Variants in ZMYND8 observed in about 807,000 individuals in gnomAD.
ZMYND8 encodes the protein MYND-type zinc finger-containing chromatin reader ZMYND8.
ZMYND8 carries 37 observed loss-of-function variants against 140.8 expected under a neutral mutation model. The ratio of observed to expected loss-of-function variants is 0.26; its 90% CI spans 0.20 to 0.35. The LOEUF (loss-of-function observed/expected upper bound fraction) is 0.35, where lower values mean the gene tolerates loss of function less well. ZMYND8 is among the 10% of genes least tolerant of loss of function. The probability of loss-of-function intolerance (pLI) is 1.00; values close to 1 mark genes in which losing one functional copy is unlikely to be tolerated. For synonymous variants in ZMYND8, 592 were observed against 597.1 expected (o/e 0.99, Z 0.12); for missense variants, 1,068 against 1,570.0 (o/e 0.68, Z 5.40).
rs2040535472 is a variant in ZMYND8, at chr20:47,246,120, G to A, written c.2172C>T (p.Gly724=). Residue 724 remains glycine, a synonymous_variant, in exon 14 of 23, where the codon GGC becomes GGT. Coordinates refer to ENST00000471951, the MANE Select transcript of ZMYND8 (RefSeq NM_001281775.3). ...GTTCGCTCTCTGAATCAGAGTCCAG[G>A]CCCAAATGGACTGTTGGGGAATCCG... ...DETDSPTVHL[G]LDSDSESELV... 6.2e-7 allele frequency: 1 copy of A among 1,614,140 alleles called. No homozygotes were observed. Among genetic ancestry groups the A allele is most frequent in the Non-Finnish European group, 8.5e-7 (1 of 1,180,040 alleles).
At chr20:47,294,627 G>T in intron 5 of ZMYND8, 39 bp downstream of exon 5, 1 of 1,573,832 alleles carries the variant, frequency 6.4e-7, no homozygotes, top group Non-Finnish European at 8.7e-7. Flanking sequence ...ATGTCATTAC[G>T]TTCATTTACG....
At chr20:47,239,900 G>T (rs954356134) in intron 14 of ZMYND8, among the ~76,000 whole-genome samples, 2 of 152,200 alleles carry the variant, frequency 1.3e-5, no homozygotes, top group Non-Finnish European at 2.9e-5. Flanking sequence ...AGTCTAAAAT[G>T]AGTTTATACT....
intron 1 of ZMYND8, among the ~76,000 whole-genome samples, chr20:47,351,268 T>C (rs551395342): frequency 6.6e-6 from 1 of 152,182 alleles, no homozygotes; most frequent in African/African-American, 2.4e-5. Flanking sequence ...AGGAATCTCA[T>C]CTCCTCAACA....
At chr20:47,335,271 A>G (rs764074779) in intron 2 of ZMYND8, among the ~76,000 whole-genome samples, 1 of 151,822 alleles carries the variant, frequency 6.6e-6, no homozygotes, top group African/African-American at 2.4e-5. Context: ...AAAAAAGGAG[A>G]ATTGTATGGT....
At chr20:47,309,907 C>G in intron 3 of ZMYND8, 149 bp downstream of exon 3, 1 of 1,103,774 alleles carries the variant, frequency 9.1e-7, no homozygotes, top group Middle Eastern at 3.1e-4. Context: ...CATTTTTAGC[C>G]ATCTTTTTTT....
At chr20:47,226,577 C>T (rs1250011061) in intron 18 of ZMYND8, among the ~76,000 whole-genome samples, 6 of 152,086 alleles carry the variant, frequency 3.9e-5, no homozygotes, top group African/African-American at 9.7e-5. Flanking sequence ...GAACTGTGGC[C>T]GTGTGACTTT....
intron 3 of ZMYND8, among the ~76,000 whole-genome samples, chr20:47,306,005 G>A (rs766370829): frequency 1.3e-5 from 2 of 152,126 alleles, no homozygotes; most frequent in South Asian, 2.1e-4. Flanking sequence ...TTCCTAAGGG[G>A]TGAAAACACT....
intron 2 of ZMYND8, among the ~76,000 whole-genome samples, chr20:47,339,367 G>A (rs968380046): frequency 2.0e-5 from 3 of 152,092 alleles, no homozygotes; most frequent in Non-Finnish European, 2.9e-5. Flanking sequence ...TGCAAGTGGG[G>A]GAAATGGCAG....
At chr20:47,261,183 T>C (rs2075124185) in intron 12 of ZMYND8, among the ~76,000 whole-genome samples, 1 of 152,126 alleles carries the variant, frequency 6.6e-6, no homozygotes, top group Admixed American at 6.6e-5. Context: ...ATCACGCCAT[T>C]GCATTGCAGC....
rs760169371 is a variant in ZMYND8 at position 47,210,882 on chromosome 20, T to G, written c.3584A>C (p.Asn1195Thr). ...YPAQKYHSRS[N>T]KSSWSSSDEK... ...ATCACTGCTGCTCCAACTGGATTTA[T>G]TACTCCGGGAATGGTCTGAGGGGGA... The change falls in exon 23 of 23, where the codon AAT (asparagine) becomes ACT (threonine). Residue 1195 changes from asparagine (N) to threonine (T), a missense_variant. Transcript: ENST00000471951. The G allele has an allele frequency of 1.2e-6, 2 of 1,614,060 alleles. No individual in the cohort carries two copies. Among genetic ancestry groups the G allele is most frequent in the Admixed American group, 3.3e-5 (2 of 60,016 alleles).
At chr20:47,324,506 G>A (rs932580439) in intron 2 of ZMYND8, among the ~76,000 whole-genome samples, 2 of 152,058 alleles carry the variant, frequency 1.3e-5, no homozygotes, top group African/African-American at 4.8e-5. Context: ...GCAACAAGAA[G>A]CTCTGTCTCA....
chr20:47,279,838 C>G (rs946043700), intron 10 of ZMYND8, among the ~76,000 whole-genome samples: 30 of 151,258 alleles, frequency 2.0e-4, no homozygotes, highest in African/African-American at 7.0e-4. Flanking sequence ...TAAAACAAAA[C>G]CAGGCCAGGC....
At chr20:47,348,004 G>T in intron 1 of ZMYND8, 78 bp from the exon 2 acceptor site, 1 of 1,374,310 alleles carries the variant, frequency 7.3e-7, no homozygotes, top group Non-Finnish European at 1.0e-6. Context: ...GGAAGTTCTA[G>T]CAACAAACAC....
At position 47,209,601 on chromosome 20, in the gene ZMYND8, A is replaced by G. The variant is rs951002500; in HGVS notation, c.*1160T>C. 2 of 152,520 alleles carry G rather than the reference A, an allele frequency of 1.3e-5. No homozygotes were observed. The highest frequency in any genetic ancestry group is 3.8e-4 in the East Asian group (2 of 5,198). The allele number at this position is 152,520 out of a possible 1,614,324, so 9.4% of individuals were successfully genotyped here. ...TAACAATGAAGAGAAAGTAAACAAG[A>G]CTAAAATGTACAACAAAACGTACTG... On this transcript the variant is annotated 3_prime_UTR_variant, in exon 23 of 23. Coordinates refer to ENST00000471951, the MANE Select transcript of ZMYND8 (RefSeq NM_001281775.3).
At chr20:47,215,710 G>C (rs1287847236) in intron 21 of ZMYND8, among the ~76,000 whole-genome samples, 3 of 152,092 alleles carry the variant, frequency 2.0e-5, no homozygotes, top group Non-Finnish European at 4.4e-5. Flanking sequence ...ACTGGGTTGA[G>C]GAAGGAGACA....
chr20:47,336,008 A>G (rs2081361328), intron 2 of ZMYND8, among the ~76,000 whole-genome samples: 3 of 152,188 alleles, frequency 2.0e-5, no homozygotes, highest in Admixed American at 1.3e-4. Flanking sequence ...AATACGGTTA[A>G]AAATACTGAT....
At chr20:47,301,738 A>G (rs1231746402) in intron 3 of ZMYND8, among the ~76,000 whole-genome samples, 2 of 152,150 alleles carry the variant, frequency 1.3e-5, no homozygotes, top group African/African-American at 4.8e-5. Context: ...CACATATATT[A>G]TTTAAAATAT....
chr20:47,355,662 C>T (rs985991989), intron 1 of ZMYND8: 1 of 202,016 alleles, frequency 5.0e-6, no homozygotes, highest in Admixed American at 6.5e-5. Context: ...CACTCCATGA[C>T]ACAGGAGAAG....
chr20:47,265,832 TAATA>T (rs1482134442), intron 11 of ZMYND8, among the ~76,000 whole-genome samples: 4 of 152,216 alleles, frequency 2.6e-5, no homozygotes, highest in Non-Finnish European at 5.9e-5. Context: ...TTTCCTTTGT[TAATA>T]AATAAACAAG....
Sources: allele counts gnomAD v4.1 joint callset (sites outside exome capture counted in the v4.1 genomes callset), GRCh38; gene constraint gnomAD v4.1.1; transcripts MANE v1.5; gene names NCBI Gene and HGNC (gene_info 2026-07-23, HGNC 2026-07-21).